Variants in HNRNPH1 observed in about 807,000 individuals in gnomAD.
The protein encoded by HNRNPH1 is heterogeneous nuclear ribonucleoprotein H.
In HNRNPH1, 4 loss-of-function variants were observed where a neutral mutation model predicts 58.6. The ratio of observed to expected loss-of-function variants is 0.07; its 90% CI spans 0.03 to 0.16. The LOEUF (loss-of-function observed/expected upper bound fraction) is 0.16. Ranked by LOEUF, HNRNPH1 falls within the 10% of genes least tolerant of loss-of-function variation. The probability of loss-of-function intolerance (pLI) is 1.00; values close to 1 mark genes in which losing one functional copy is unlikely to be tolerated. For missense variants in HNRNPH1, 271 were observed against 564.2 expected, an observed-to-expected ratio of 0.48 and a Z score of 5.26; for synonymous variants, 192 against 189.2, an observed-to-expected ratio of 1.01 and a Z score of -0.12.
chr5:179,623,243 G>GC (rs986983746), exon 1 of HNRNPH1: 78 of 674,942 alleles, frequency 1.2e-4, no homozygotes, highest in Middle Eastern at 2.8e-4. Flanking sequence ...GGCCCGCACC[G>GC]CCCCCCCACG....
At chr5:179,617,283 AT>A in intron 8 of HNRNPH1, 173 bp from the exon 10 acceptor site, 1 of 731,698 alleles carries the variant, frequency 1.4e-6, no homozygotes, top group East Asian at 2.7e-5. Context: ...GCCTTTACAT[AT>A]TCATCTGTAT....
chr5:179,620,159 C>T (rs1185180031), intron 3 of HNRNPH1: 1 of 152,192 alleles, frequency 6.6e-6, no homozygotes, highest in African/African-American at 2.4e-5. Context: ...ATACATATAT[C>T]AATTTTTAAC....
intron 1 of HNRNPH1, 130 bp from the exon 3 acceptor site, chr5:179,621,527 G>A (rs984467791): frequency 2.3e-5 from 16 of 691,826 alleles, no homozygotes; most frequent in African/African-American, 1.1e-4. Flanking sequence ...TACTGACCAC[G>A]ATATTACCAA....
chr5:179,618,059 G>C (rs1373785402), exon 6 of HNRNPH1: 1 of 1,613,798 alleles, frequency 6.2e-7, no homozygotes, highest in Admixed American at 1.7e-5. Flanking sequence ...AGCCTCCATA[G>C]CCTGAAAGAC....
Position 179,623,154 on chromosome 5 carries a change from G to A in HNRNPH1, c.-21C>T. Reference sequence around the variant, plus strand: ...ATCATCGTCTCTTACGCGGTCCGGCGTCGAAACAAACTGCAAAGCGGGGAG... The same window carrying A: ...ATCATCGTCTCTTACGCGGTCCGGCATCGAAACAAACTGCAAAGCGGGGAG... On this transcript the variant is annotated 5_prime_UTR_variant, in exon 1 of 13. In the 5' UTR this introduces an upstream ATG that the reference lacks. Transcript: ENST00000356731. 2 of 1,571,628 alleles carry A rather than the reference G, an allele frequency of 1.3e-6. No homozygotes were observed. The highest frequency in any genetic ancestry group is 1.7e-6 in the Non-Finnish European group (2 of 1,145,098).
chr5:179,615,971 T>C (rs1769364789), intron 11 of HNRNPH1, 155 bp downstream of exon 12: 2 of 631,250 alleles, frequency 3.2e-6, no homozygotes, highest in African/African-American at 3.6e-5. Context: ...CATAACCCAA[T>C]TTCACCGAAA....
chr5:179,620,692 A>G, intron 3 of HNRNPH1, 200 bp downstream of exon 4: 1 of 568,108 alleles, frequency 1.8e-6, no homozygotes, highest in Non-Finnish European at 3.1e-6. Flanking sequence ...AATATAGGCA[A>G]AGTTAACATT....
Position 179,617,747 on chromosome 5 carries a change from C to G in HNRNPH1, c.921+52G>C. On this transcript the variant is annotated intron_variant, in intron 7 of 12. Coordinates refer to ENST00000356731, the Ensembl canonical transcript of HNRNPH1. ...TAGTGCTCACATTTATAGAATAAGGCTGACTTACTGCCATACTGAAATATT... is the reference window on the plus strand; with the variant it reads ...TAGTGCTCACATTTATAGAATAAGGGTGACTTACTGCCATACTGAAATATT... The G allele has an allele frequency of 3.1e-6, 5 of 1,608,972 alleles. No individual in the cohort carries two copies. In the South Asian group the frequency reaches 5.5e-5, roughly 18 times the overall value.
In HNRNPH1 at chr5:179,618,332, T is replaced by G; in HGVS notation, c.537-9A>C. 6.3e-7 allele frequency: 1 copy of G among 1,597,570 alleles called. No homozygotes were observed. Among genetic ancestry groups the G allele is most frequent in the Non-Finnish European group, 8.5e-7 (1 of 1,170,680 alleles). On this transcript the variant is annotated splice_polypyrimidine_tract_variant and intron_variant, in intron 4 of 12. Coordinates refer to ENST00000356731, the Ensembl canonical transcript of HNRNPH1. The stretch of plus-strand genomic sequence containing the variant: ...TAAAGATTTCAATATACCTAAAGCA[T>G]TGTTCATAAGGAAGGGGTAGGGAGG...
chr5:179,625,955 ATTTATTTATTTT>A (rs1404815987), upstream of HNRNPH1, among the ~76,000 whole-genome samples: 1 of 149,764 alleles, frequency 6.7e-6, no homozygotes, highest in African/African-American at 2.5e-5. Flanking sequence ...TTATTTATTT[ATTTATTTATTTT>A]TTGTAGCAAT....
exon 1 of HNRNPH1, chr5:179,623,341 A>G: frequency 1.5e-5 from 6 of 398,970 alleles, no homozygotes. Flanking sequence ...CCTGAGCAAC[A>G]GCTGTCGGCG....
intron 1 of HNRNPH1, chr5:179,621,623 A>C: frequency 1.8e-6 from 1 of 551,872 alleles, no homozygotes; most frequent in Non-Finnish European, 3.2e-6. Context: ...TATTCAAAGC[A>C]GTTTCAGAAT....
intron 8 of HNRNPH1, 65 bp from the exon 10 acceptor site, chr5:179,617,175 A>G: frequency 1.3e-6 from 2 of 1,508,416 alleles, no homozygotes; most frequent in Non-Finnish European, 1.8e-6. Flanking sequence ...AAGCACTTTT[A>G]TAAAGTTTTT....
chr5:179,618,015 C>G (rs1205135179), exon 6 of HNRNPH1: 1 of 1,614,190 alleles, frequency 6.2e-7, no homozygotes, highest in African/African-American at 1.3e-5. Context: ...TGACCCAAAT[C>G]CATAGCCATC....
In HNRNPH1 at chr5:179,616,222, T is replaced by A. The variant is rs748536618; in HGVS notation, c.1208-4A>T. ...CCCCCGTAGCTGGACTGGTTTGCTG[T>A]TAAGTTAAGAAAACATTAGAACCTT... On this transcript the variant is annotated splice_polypyrimidine_tract_variant and splice_region_variant and intron_variant, in intron 10 of 12. Coordinates refer to ENST00000356731, the Ensembl canonical transcript of HNRNPH1. 12 of 1,606,782 alleles carry A rather than the reference T, an allele frequency of 7.5e-6. No individual in the cohort carries two copies. Among genetic ancestry groups the A allele is most frequent in the Non-Finnish European group, 1.0e-5 (12 of 1,176,350 alleles).
chr5:179,621,925 G>C (rs752945154), intron 1 of HNRNPH1: 1 of 456,258 alleles, frequency 2.2e-6, no homozygotes, highest in Non-Finnish European at 4.4e-6. Flanking sequence ...CCTGCAAGGC[G>C]GCTTCCAGCG....
At chr5:179,617,324 TGC>T in intron 8 of HNRNPH1, 188 bp downstream of exon 9, 2 of 737,030 alleles carry the variant, frequency 2.7e-6, no homozygotes, top group Non-Finnish European at 4.4e-6. Context: ...CTTCAAGATG[TGC>T]ATATCACAAA....
chr5:179,618,387 G>A (rs942400823), intron 4 of HNRNPH1, 64 bp from the exon 6 acceptor site: 24 of 1,121,696 alleles, frequency 2.1e-5, no homozygotes, highest in East Asian at 4.8e-5. Context: ...ATTTTATACA[G>A]GTATTTAGTT....
intron 1 of HNRNPH1, among the ~76,000 whole-genome samples, chr5:179,622,428 G>T (rs946769220): frequency 8.5e-5 from 13 of 152,114 alleles, no homozygotes; most frequent in African/African-American, 2.9e-4. Context: ...AAAGACACCC[G>T]GGCCAGGCGC....
Sources: allele counts gnomAD v4.1 joint callset (sites outside exome capture counted in the v4.1 genomes callset), GRCh38; gene constraint gnomAD v4.1.1; transcripts MANE v1.5; gene names NCBI Gene and HGNC (gene_info 2026-07-23, HGNC 2026-07-21).